Variants in IRX3 observed in about 807,000 individuals in gnomAD.
IRX3 encodes the protein iroquois homeobox 3, also known as iroquois-class homeodomain protein IRX-3.
IRX3 carries 20 observed loss-of-function variants against 36.4 expected under a neutral mutation model. The ratio of observed to expected loss-of-function variants is 0.55; its 90% CI spans 0.39 to 0.80. The LOEUF (loss-of-function observed/expected upper bound fraction) is 0.80, where lower values mean the gene tolerates loss of function less well. Among genes scored for constraint, IRX3 ranks in the 30% least tolerant of loss-of-function variants. The pLI, the probability that IRX3 is intolerant of heterozygous loss-of-function variation, is 0.00. For missense variants in IRX3, 718 were observed against 733.2 expected (o/e 0.98, Z 0.24); for synonymous variants, 404 against 351.6 (o/e 1.15, Z -1.67).
chr16:54,285,809 G>A lies in IRX3; in HGVS notation c.242C>T (p.Ala81Val). 6.4e-7 allele frequency: 1 copy of A among 1,562,592 alleles called. No homozygotes were observed. The highest frequency in any genetic ancestry group is 8.6e-7 in the Non-Finnish European group (1 of 1,160,672). ...QGYGAFLPYA[A>V]ELPIFPQLGA... The stretch of plus-strand genomic sequence containing the variant: ...CAGCTGCGGGAAGATGGGCAGCTCC[G>A]CGGCGTAGGGCAGGAAGGCGCCGTA... The change falls in exon 1 of 4, where the codon GCG (alanine) becomes GTG (valine). Residue 81 changes from alanine (A) to valine (V), a missense_variant. Coordinates refer to ENST00000329734, the MANE Select transcript of IRX3 (RefSeq NM_024336.3). The surrounding 1 kb of genome is among the most constrained non-coding windows in gnomAD (Gnocchi z 5.7).
At position 54,283,877 on chromosome 16, in the gene IRX3, T is replaced by G; in HGVS notation, c.1452-137A>C. 1 of 1,518,372 alleles carries G rather than the reference T, an allele frequency of 6.6e-7. No individual in the cohort carries two copies. The highest frequency in any genetic ancestry group is 1.2e-5 in the South Asian group (1 of 80,598). The allele number at this position is 1,518,372 out of a possible 1,614,324, so 94.1% of individuals were successfully genotyped here. A position where few individuals can be genotyped will look rare whatever the true frequency, so the allele number is the denominator to read the frequency against. Reference sequence around the variant, plus strand: ...ATGTAAAATTATGTCCAGTTGTAGATGTGTGTGTTGGGGTTTAACTGTAGG... The same window carrying G: ...ATGTAAAATTATGTCCAGTTGTAGAGGTGTGTGTTGGGGTTTAACTGTAGG... On this transcript the variant is annotated intron_variant, in intron 3 of 3. Transcript: ENST00000329734. This position sits in a 1 kb window ranked among gnomAD's most constrained non-coding sequence, Gnocchi z 4.4.
Position 54,286,219 on chromosome 16 carries a change from GAC to G in IRX3, c.-171_-170del, listed in dbSNP as rs1901337604. The G allele has an allele frequency of 1.3e-5, 7 of 526,694 alleles. No individual in the cohort carries two copies. In the South Asian group the frequency reaches 4.7e-4, roughly 35 times the overall value. 32.6% of individuals were successfully genotyped at this position (526,694 alleles called of 1,614,324 possible). A position where few individuals can be genotyped will look rare whatever the true frequency, so the allele number is the denominator to read the frequency against. On this transcript the variant is annotated 5_prime_UTR_variant, in exon 1 of 4. Transcript: ENST00000329734. ...GCCTATTGATCTGCTCCGCGGCGGCGACGGCGGCGGCGAGGGCGGCGGCGAGG... is the reference window on the plus strand; with the variant it reads ...GCCTATTGATCTGCTCCGCGGCGGCGGGCGGCGGCGAGGGCGGCGGCGAGG...
Position 54,284,469 on chromosome 16 carries a change from C to T in IRX3, c.1384+28G>A, listed in dbSNP as rs949520204. The T allele has an allele frequency of 4.3e-6, 6 of 1,392,546 alleles. No individual in the cohort carries two copies. The highest frequency in any genetic ancestry group is 3.3e-5 in the South Asian group (2 of 61,522). 86.3% of individuals were successfully genotyped at this position (1,392,546 alleles called of 1,614,324 possible). A position where few individuals can be genotyped will look rare whatever the true frequency, so the allele number is the denominator to read the frequency against. ...CGGCACTACCCGCAGAGCCCGCCCC[C>T]GCTCCGCGCCCAGCGCTCAGCAGTC... On this transcript the variant is annotated intron_variant, in intron 2 of 3. Coordinates refer to ENST00000329734, the MANE Select transcript of IRX3 (RefSeq NM_024336.3). The surrounding 1 kb of genome is among the most constrained non-coding windows in gnomAD (Gnocchi z 4.0).
chr16:54,284,147 C>T lies in IRX3; in HGVS notation c.1451+99G>A, dbSNP rs564058562. ...TTACAAAATGCGTCCCAGCAGGGTTCCCCCCTACCCCGGGGCAAAAGGCCG... is the reference window on the plus strand; with the variant it reads ...TTACAAAATGCGTCCCAGCAGGGTTTCCCCCTACCCCGGGGCAAAAGGCCG... On this transcript the variant is annotated intron_variant, in intron 3 of 3. Coordinates refer to ENST00000329734, the MANE Select transcript of IRX3 (RefSeq NM_024336.3). The surrounding 1 kb of genome is among the most constrained non-coding windows in gnomAD (Gnocchi z 4.0). 47 of 1,257,386 alleles carry T rather than the reference C, an allele frequency of 3.7e-5. No individual in the cohort carries two copies. The highest frequency in any genetic ancestry group is 1.5e-4 in the Admixed American group (6 of 41,040). The allele number at this position is 1,257,386 out of a possible 1,614,324, so 77.9% of individuals were successfully genotyped here. A position where few individuals can be genotyped will look rare whatever the true frequency, so the allele number is the denominator to read the frequency against.
rs1309789031 is a variant in IRX3, at chr16:54,284,760, G to T, written c.1121C>A (p.Pro374Gln). The T allele has an allele frequency of 1.4e-6, 2 of 1,461,714 alleles. No homozygotes were observed. Among genetic ancestry groups the T allele is most frequent in the Non-Finnish European group, 1.8e-6 (2 of 1,119,706 alleles). The allele number at this position is 1,461,714 out of a possible 1,614,324, so 90.5% of individuals were successfully genotyped here. Residue 374 changes from proline to glutamine, a missense_variant, in exon 2 of 4, where the codon CCG becomes CAG. Transcript: ENST00000329734. The surrounding 1 kb of genome is among the most constrained non-coding windows in gnomAD (Gnocchi z 4.0). ...GGCGGAAGGCGCGACCGCTGCCCCC[G>T]GTGGAGACCCCCCCGCGCCGGGAGG... ...RSPPGAGGSP[P>Q]GAAVAPSALQ... is the part of the protein sequence containing the mutation.
chr16:54,285,437 C>G lies in IRX3; in HGVS notation c.444G>C (p.Glu148Asp). The change falls in exon 2 of 4, where the codon GAG (glutamate) becomes GAC (aspartate). Residue 148 changes from glutamate (E) to aspartate (D), a missense_variant. Physicochemically the swap from Glu to Asp is conservative, Grantham distance 45. This residue lies in a region of IRX3 where 46 missense variants were observed against 89.7 expected (regional missense o/e 0.51). Transcript: ENST00000329734. The surrounding 1 kb of genome is among the most constrained non-coding windows in gnomAD (Gnocchi z 5.7). ...STSTLKAWLN[E>D]HRKNPYPTKG... The stretch of plus-strand genomic sequence containing the variant: ...TGGTGGGGTAGGGGTTCTTGCGGTG[C>G]TCGTTGAGCCAGGCCTTCAGCGTGC... 2 of 1,614,158 alleles carry G rather than the reference C, an allele frequency of 1.2e-6. No individual in the cohort carries two copies. The highest frequency in any genetic ancestry group is 1.7e-6 in the Non-Finnish European group (2 of 1,180,042).
chr16:54,285,670 G>T lies in IRX3; in HGVS notation c.268-57C>A, dbSNP rs905505775. ...GCGGAGGGAGCGCGAGTGAGCCCCAGCCATCGCTGCCTCCCCCCTCCTGGC... is the reference window on the plus strand; with the variant it reads ...GCGGAGGGAGCGCGAGTGAGCCCCATCCATCGCTGCCTCCCCCCTCCTGGC... On this transcript the variant is annotated intron_variant, in intron 1 of 3. Coordinates refer to ENST00000329734, the MANE Select transcript of IRX3 (RefSeq NM_024336.3). This position sits in a 1 kb window ranked among gnomAD's most constrained non-coding sequence, Gnocchi z 5.7. The T allele has an allele frequency of 5.5e-6, 8 of 1,462,656 alleles. No homozygotes were observed. The highest frequency in any genetic ancestry group is 4.2e-5 in the African/African-American group (3 of 70,620). The allele number at this position is 1,462,656 out of a possible 1,614,324, so 90.6% of individuals were successfully genotyped here. A position where few individuals can be genotyped will look rare whatever the true frequency, so the allele number is the denominator to read the frequency against.
Position 54,285,467 on chromosome 16 carries a change from G to T in IRX3, c.414C>A (p.Ser138Arg), listed in dbSNP as rs1316964498. ...TGAGCCAGGCCTTCAGCGTGCTGGT[G>T]CTCTCCCTGGTGGCGTTCTTGGGAC... Reference protein sequence around the residue: ...PSRPKNATRESTSTLKAWLNE... With the variant: ...PSRPKNATRERTSTLKAWLNE... Residue 138 changes from serine to arginine, a missense_variant, in exon 2 of 4, where the codon AGC becomes AGA. Physicochemically the swap from Ser to Arg is moderately radical, Grantham distance 110 (BLOSUM62 -1). This residue lies in a region of IRX3 where 46 missense variants were observed against 89.7 expected (regional missense o/e 0.51). Transcript: ENST00000329734. This position sits in a 1 kb window ranked among gnomAD's most constrained non-coding sequence, Gnocchi z 5.7. 1.9e-6 allele frequency: 3 copies of T among 1,614,050 alleles called. No individual in the cohort carries two copies. Among genetic ancestry groups the T allele is most frequent in the Non-Finnish European group, 2.5e-6 (3 of 1,180,048 alleles).
In IRX3 at chr16:54,284,894, C is replaced by T. The variant is rs1567616527; in HGVS notation, c.987G>A (p.Val329=). The T allele has an allele frequency of 3.2e-6, 5 of 1,573,122 alleles. No homozygotes were observed. The highest frequency in any genetic ancestry group is 3.4e-6 in the Non-Finnish European group (4 of 1,160,530). The change falls in exon 2 of 4, where the codon GTG becomes GTA. Residue 329 remains valine, a synonymous_variant. Coordinates refer to ENST00000329734, the MANE Select transcript of IRX3 (RefSeq NM_024336.3). This position sits in a 1 kb window ranked among gnomAD's most constrained non-coding sequence, Gnocchi z 4.0. The part of the protein sequence containing the change: ...VASPSLPSPP[V]SLDPCAPAPA... ...GTGCGGGAGCGCAGGGGTCCAGGCT[C>T]ACGGGGGGCGACGGCAGAGACGGCG...
Position 54,284,699 on chromosome 16 carries a change from AGCGGCGGCG to A in IRX3, c.1173_1181del (p.Ala392_Ala394del), listed in dbSNP as rs770669069. 1.3e-5 allele frequency: 19 copies of A among 1,422,936 alleles called. No individual in the cohort carries two copies. Among genetic ancestry groups the A allele is most frequent in the Admixed American group, 3.2e-5 (1 of 30,974 alleles). 88.1% of individuals were successfully genotyped at this position (1,422,936 alleles called of 1,614,324 possible). A position where few individuals can be genotyped will look rare whatever the true frequency, so the allele number is the denominator to read the frequency against. ...CCAGCGGCGCTGAGACCAGTCTGTGAGCGGCGGCGGCGGCGGCGGCCGGAGAGAGCTGCA... is the reference window on the plus strand; with the variant it reads ...CCAGCGGCGCTGAGACCAGTCTGTGAGCGGCGGCGGCCGGAGAGAGCTGCA... On this transcript the variant is annotated inframe_deletion, in exon 2 of 4. Coordinates refer to ENST00000329734, the MANE Select transcript of IRX3 (RefSeq NM_024336.3). This position sits in a 1 kb window ranked among gnomAD's most constrained non-coding sequence, Gnocchi z 4.0.
Position 54,284,337 on chromosome 16 carries a change from G to A in IRX3, c.1385-25C>T, listed in dbSNP as rs558216829. 3.7e-6 allele frequency: 6 copies of A among 1,601,132 alleles called. No individual in the cohort carries two copies. In the African/African-American group the frequency reaches 5.4e-5, roughly 14 times the overall value. ...TCTAAGGGAAGCGGGGGAAGAAAAA[G>A]GAGGGCCTTTAGAGCGCTCGGTGCC... On this transcript the variant is annotated intron_variant, in intron 2 of 3. Coordinates refer to ENST00000329734, the MANE Select transcript of IRX3 (RefSeq NM_024336.3). This position sits in a 1 kb window ranked among gnomAD's most constrained non-coding sequence, Gnocchi z 4.0.
In IRX3 at chr16:54,283,869, G is replaced by T. The variant is rs188525749; in HGVS notation, c.1452-129C>A. On this transcript the variant is annotated intron_variant, in intron 3 of 3. Coordinates refer to ENST00000329734, the MANE Select transcript of IRX3 (RefSeq NM_024336.3). This position sits in a 1 kb window ranked among gnomAD's most constrained non-coding sequence, Gnocchi z 4.4. ...GTGTCGCAATGTAAAATTATGTCCA[G>T]TTGTAGATGTGTGTGTTGGGGTTTA... The T allele has an allele frequency of 2.0e-6, 3 of 1,526,388 alleles. No individual in the cohort carries two copies. In the Admixed American group the frequency reaches 6.5e-5, roughly 33 times the overall value. 94.6% of individuals were successfully genotyped at this position (1,526,388 alleles called of 1,614,324 possible).
chr16:54,285,118 C>G lies in IRX3; in HGVS notation c.763G>C (p.Asp255His), dbSNP rs1901289839. Residue 255 changes from aspartate (D) to histidine (H), a missense_variant, in exon 2 of 4, where the codon GAT becomes CAT. Coordinates refer to ENST00000329734, the MANE Select transcript of IRX3 (RefSeq NM_024336.3). The surrounding 1 kb of genome is among the most constrained non-coding windows in gnomAD (Gnocchi z 5.7). ...LADDDEDEEIDLENLDGAATE... is the reference protein window; with the variant it reads ...LADDDEDEEIHLENLDGAATE... ...GCCGCGCCGTCTAAGTTCTCCAAAT[C>G]GATCTCCTCGTCCTCGTCGTCGTCA... The G allele has an allele frequency of 2.5e-6, 4 of 1,613,502 alleles. No homozygotes were observed. Among genetic ancestry groups the G allele is most frequent in the South Asian group, 1.1e-5 (1 of 91,000 alleles).
Position 54,285,281 on chromosome 16 carries a change from G to C in IRX3, c.600C>G (p.Asp200Glu), listed in dbSNP as rs758452597. ...KMTWAPRSRT[D>E]EEGNAYGSER... is the part of the protein sequence containing the mutation. ...CGCTCCCATAAGCGTTTCCCTCCTC[G>C]TCAGTGCGGCTGCGAGGCGCCCAAG... is the stretch of plus-strand genomic sequence containing the variant. The change falls in exon 2 of 4, where the codon GAC becomes GAG. Residue 200 changes from aspartate (D) to glutamate (E), a missense_variant. By Grantham distance (45) the Asp-to-Glu change is conservative (BLOSUM62 2). Transcript: ENST00000329734. The surrounding 1 kb of genome is among the most constrained non-coding windows in gnomAD (Gnocchi z 5.7). The C allele has an allele frequency of 4.3e-6, 7 of 1,613,932 alleles. No individual in the cohort carries two copies. The highest frequency in any genetic ancestry group is 5.1e-6 in the Non-Finnish European group (6 of 1,180,014).
chr16:54,285,431 G>A lies in IRX3; in HGVS notation c.450C>T (p.Arg150=). Residue 150 remains arginine (R), a synonymous_variant, in exon 2 of 4, where the codon CGC becomes CGT. Coordinates refer to ENST00000329734, the MANE Select transcript of IRX3 (RefSeq NM_024336.3). This position sits in a 1 kb window ranked among gnomAD's most constrained non-coding sequence, Gnocchi z 5.7. ...CGCCCTTGGTGGGGTAGGGGTTCTT[G>A]CGGTGCTCGTTGAGCCAGGCCTTCA... is the stretch of plus-strand genomic sequence containing the variant. The part of the protein sequence containing the change: ...STLKAWLNEH[R]KNPYPTKGEK... 1.2e-6 allele frequency: 2 copies of A among 1,614,144 alleles called. No homozygotes were observed. Among genetic ancestry groups the A allele is most frequent in the Non-Finnish European group, 1.7e-6 (2 of 1,180,036 alleles).
rs1461117732 is a variant in IRX3 at position 54,284,277 on chromosome 16, G to C, written c.1420C>G (p.Leu474Val). Reference protein sequence around the residue: ...CSALEVEKKLLKTAFQPVPRR... With the variant: ...CSALEVEKKLVKTAFQPVPRR... ...GGCACGGGCTGGAAAGCTGTCTTGA[G>C]TAACTTTTTCTCCACTTCCAAGGCA... The change falls in exon 3 of 4, where the codon CTC (leucine) becomes GTC (valine). Residue 474 changes from leucine (L) to valine (V), a missense_variant. Leu to Val is a conservative substitution (Grantham distance 32). Coordinates refer to ENST00000329734, the MANE Select transcript of IRX3 (RefSeq NM_024336.3). This position sits in a 1 kb window ranked among gnomAD's most constrained non-coding sequence, Gnocchi z 4.0. 3.7e-6 allele frequency: 6 copies of C among 1,612,324 alleles called. No individual in the cohort carries two copies. Among genetic ancestry groups the C allele is most frequent in the Non-Finnish European group, 5.1e-6 (6 of 1,179,220 alleles).
Position 54,283,916 on chromosome 16 carries a change from G to C in IRX3, c.1452-176C>G. The C allele has an allele frequency of 2.0e-6, 2 of 985,398 alleles. No individual in the cohort carries two copies. The highest frequency in any genetic ancestry group is 2.4e-6 in the Non-Finnish European group (2 of 829,914). The allele number at this position is 985,398 out of a possible 1,614,324, so 61.0% of individuals were successfully genotyped here. ...TTTAACTGTAGGGTGGGCACGAGGC[G>C]TCAGGACCCGAGGTCTGGGGCTGGA... On this transcript the variant is annotated intron_variant, in intron 3 of 3. Transcript: ENST00000329734. This position sits in a 1 kb window ranked among gnomAD's most constrained non-coding sequence, Gnocchi z 4.4.
At position 54,283,636 on chromosome 16, in the gene IRX3, T is replaced by C. The variant is rs1901227671; in HGVS notation, c.*50A>G. The C allele has an allele frequency of 1.2e-6, 1 of 854,476 alleles. No individual in the cohort carries two copies. The highest frequency in any genetic ancestry group is 1.9e-6 in the Non-Finnish European group (1 of 518,862). 52.9% of individuals were successfully genotyped at this position (854,476 alleles called of 1,614,324 possible). A position where few individuals can be genotyped will look rare whatever the true frequency, so the allele number is the denominator to read the frequency against. On this transcript the variant is annotated 3_prime_UTR_variant, in exon 4 of 4. Transcript: ENST00000329734. The surrounding 1 kb of genome is among the most constrained non-coding windows in gnomAD (Gnocchi z 4.4). Reference sequence around the variant, plus strand: ...CAGAGCGATTTTTTTTATACAATTATTACAACGATTAAAAAAAGTTTTTTT... The same window carrying C: ...CAGAGCGATTTTTTTTATACAATTACTACAACGATTAAAAAAAGTTTTTTT...
Position 54,286,343 on chromosome 16 carries a change from G to C in IRX3, c.-293C>G, listed in dbSNP as rs1209832171. ...CGCAAGCCCCTCCTCTCTGCGCCGC[G>C]CTCCCTCCTCTCGGCCGCCGGAGCT... On this transcript the variant is annotated 5_prime_UTR_variant, in exon 1 of 4. Coordinates refer to ENST00000329734, the MANE Select transcript of IRX3 (RefSeq NM_024336.3). The C allele has an allele frequency of 3.0e-6, 3 of 989,322 alleles. No individual in the cohort carries two copies. The highest frequency in any genetic ancestry group is 6.1e-5 in the Admixed American group (1 of 16,400). 61.3% of individuals were successfully genotyped at this position (989,322 alleles called of 1,614,324 possible).
Sources: gnomAD v4.1 joint callset for allele counts on GRCh38, gnomAD v4.1.1 for gene constraint, gnomAD v4.1.1 regional missense constraint, Gnocchi (gnomAD v3.1) non-coding constraint, MANE v1.5 for transcripts, NCBI Gene and HGNC (gene_info 2026-07-23, HGNC 2026-07-21) for gene names.